The following NCOR2 variants were observed in gnomAD, a reference collection of about 807,000 sequenced individuals.
The protein encoded by NCOR2 is nuclear receptor corepressor 2.
In NCOR2, 81 loss-of-function variants were observed where a neutral mutation model predicts 262.9. The observed-to-expected ratio is 0.31, with a 90% CI of 0.26 to 0.37. The LOEUF is 0.37. Ranked by LOEUF, NCOR2 falls within the 10% of genes least tolerant of loss-of-function variation. The pLI is 1.00. For missense variants in NCOR2, 3,385 were observed against 3,621.4 expected (o/e 0.93, Z 1.68); for synonymous variants, 1,659 against 1,559.3 (o/e 1.06, Z -1.51).
At chr12:124,383,383 C>A in intron 17 of NCOR2, 1 of 285,838 alleles carries the variant, frequency 3.5e-6, no homozygotes, top group South Asian at 1.2e-4. Flanking sequence ...GCGCCCTCGT[C>A]AGTGGGATCT....
intron 41 of NCOR2, 174 bp downstream of exon 43, chr12:124,334,250 C>T (rs976726307): frequency 2.5e-5 from 13 of 527,950 alleles, no homozygotes; most frequent in Middle Eastern, 4.8e-4. Context: ...AGCTATTATT[C>T]GTTATGTATC....
At chr12:124,385,079 GC>G (rs1222859862) in intron 17 of NCOR2, among the ~76,000 whole-genome samples, 1 of 152,126 alleles carries the variant, frequency 6.6e-6, no homozygotes, top group Non-Finnish European at 1.5e-5. Context: ...GAGAGGGAAG[GC>G]AGCAGAGGTC....
upstream of NCOR2, among the ~76,000 whole-genome samples, chr12:124,496,637 A>C (rs951443612): frequency 3.3e-5 from 5 of 152,082 alleles, no homozygotes; most frequent in Non-Finnish European, 7.4e-5. The surrounding 1 kb of genome is among the most constrained non-coding windows in gnomAD (Gnocchi z 4.4). Context: ...TTGGAGGCCT[A>C]ATGTGGAGGG....
intron 19 of NCOR2, among the ~76,000 whole-genome samples, chr12:124,373,845 A>AGGGGACCCGGGCACGG (rs2039761402): frequency 2.4e-4 from 1 of 4,160 alleles, no homozygotes; most frequent in Admixed American, 4.3e-3. Flanking sequence ...GTGGACAATC[A>AGGGGACCCGGGCACGG]TGAGGCCAGT....
rs1234424892 is a variant in NCOR2, at chr12:124,531,900, C to T, written c.-118+3665G>A. 2.0e-5 allele frequency among the ~76,000 whole-genome samples: 3 copies of T among 151,562 alleles called. No homozygotes were observed. The East Asian group carries it at 5.9e-4, about 30-fold the overall frequency. ...ACCCACCTCCCCACCCCACTCCCAGCTGAAGAATCCACTCACAGAGTTTCG... is the reference window on the plus strand; with the variant it reads ...ACCCACCTCCCCACCCCACTCCCAGTTGAAGAATCCACTCACAGAGTTTCG... On this transcript the variant is annotated intron_variant, in intron 1 of 46. Coordinates refer to the NCOR2 transcript ENST00000404621. This position sits in a 1 kb window ranked among gnomAD's most constrained non-coding sequence, Gnocchi z 4.5.
rs1180213849 is a variant in NCOR2, at chr12:124,548,081, T to C, written c.-164-12470A>G. Among the ~76,000 whole-genome samples, 1 of 151,312 alleles carries C rather than the reference T, an allele frequency of 6.6e-6. No homozygotes were observed. The highest frequency in any genetic ancestry group is 1.5e-5 in the Non-Finnish European group (1 of 67,798). ...GCTGGTGGGAGAGAGGGGCCTGGGG[T>C]GCCCCAGGCCGGGCAGGTCCCCTCC... On this transcript the variant is annotated intron_variant, in intron 1 of 32. Coordinates refer to the NCOR2 transcript ENST00000458234. This position sits in a 1 kb window ranked among gnomAD's most constrained non-coding sequence, Gnocchi z 5.1.
chr12:124,370,195 G>A (rs1176011178), intron 20 of NCOR2, among the ~76,000 whole-genome samples: 1 of 152,192 alleles, frequency 6.6e-6, no homozygotes, highest in African/African-American at 2.4e-5. Context: ...GGGACTGTCG[G>A]GCAAGAAGCT....
chr12:124,325,415 G>C, exon 47 of NCOR2: 1 of 1,188,978 alleles, frequency 8.4e-7, no homozygotes, highest in East Asian at 3.4e-5. Flanking sequence ...CTCGCTGTCG[G>C]AGAGTGTCTC....
chr12:124,427,195 G>C (rs2043599620), intron 10 of NCOR2, among the ~76,000 whole-genome samples: 1 of 152,140 alleles, frequency 6.6e-6, no homozygotes, highest in African/African-American at 2.4e-5. Context: ...GGCAAGAGTG[G>C]GCCCTGGGGT....
At chr12:124,537,140 A>T (rs960075394), upstream of NCOR2, among the ~76,000 whole-genome samples, 6 of 152,240 alleles carry the variant, frequency 3.9e-5, no homozygotes, top group African/African-American at 1.4e-4. Flanking sequence ...AACAAAAAAA[A>T]TGTGATTCCC....
intron 1 of NCOR2, among the ~76,000 whole-genome samples, chr12:124,544,134 G>A (rs745838289): frequency 3.9e-5 from 6 of 152,200 alleles, no homozygotes; most frequent in Non-Finnish European, 5.9e-5. Flanking sequence ...AATGGAAAGG[G>A]TGCACTGGAG....
intron 13 of NCOR2, among the ~76,000 whole-genome samples, chr12:124,414,366 T>G (rs1437851261): frequency 5.9e-5 from 9 of 152,218 alleles, no homozygotes; most frequent in African/African-American, 2.2e-4. Flanking sequence ...TAGTGCTGCA[T>G]GACTGTTGGC....
intron 22 of NCOR2, among the ~76,000 whole-genome samples, chr12:124,357,787 C>T (rs1379289739): frequency 1.3e-5 from 2 of 152,216 alleles, no homozygotes; most frequent in Admixed American, 1.3e-4. Context: ...AGGAGGTAAC[C>T]TGTGATGTGT....
chr12:124,466,720 A>G (rs2136637390), intron 4 of NCOR2, among the ~76,000 whole-genome samples: 1 of 152,156 alleles, frequency 6.6e-6, no homozygotes, highest in African/African-American at 2.4e-5. Flanking sequence ...CATCAGTGCT[A>G]GGAGAGGCTG....
intron 1 of NCOR2, among the ~76,000 whole-genome samples, chr12:124,506,752 A>G (rs1015626135): frequency 6.6e-6 from 1 of 152,212 alleles, no homozygotes; most frequent in African/African-American, 2.4e-5. Flanking sequence ...TGCAGAGGGA[A>G]GTGAGGAGTC....
intron 5 of NCOR2, among the ~76,000 whole-genome samples, chr12:124,460,348 G>C (rs1167050606): frequency 4.6e-5 from 7 of 152,188 alleles, no homozygotes; most frequent in African/African-American, 1.7e-4. Flanking sequence ...CAGGCTGTCC[G>C]GTCCCAGCCC....
In NCOR2 at chr12:124,350,743, G is replaced by A. The variant is rs1413682034; in HGVS notation, c.3694-6C>T. 6.2e-7 allele frequency: 1 copy of A among 1,608,258 alleles called. No individual in the cohort carries two copies. The highest frequency in any genetic ancestry group is 1.3e-5 in the African/African-American group (1 of 74,932). On this transcript the variant is annotated splice_region_variant and splice_polypyrimidine_tract_variant and intron_variant, in intron 27 of 46. Transcript: ENST00000405201. ...AGGACGTCAGCTGGCGTGCCCTGCAGGTGCAGAGGGGTGAGCGCCCAGGAG... is the reference window on the plus strand; with the variant it reads ...AGGACGTCAGCTGGCGTGCCCTGCAAGTGCAGAGGGGTGAGCGCCCAGGAG...
At chr12:124,375,712 C>T (rs142627129) in intron 18 of NCOR2, among the ~76,000 whole-genome samples, 6 of 152,364 alleles carry the variant, frequency 3.9e-5, no homozygotes, top group East Asian at 1.9e-4. Flanking sequence ...TGGATAACCC[C>T]GCTATGCCTC....
intron 3 of NCOR2, among the ~76,000 whole-genome samples, chr12:124,477,260 A>C (rs2047153405): frequency 6.6e-6 from 1 of 152,208 alleles, no homozygotes. Context: ...GTGAGTTCTC[A>C]TGAGATCTGA....
Sources: gnomAD v4.1 joint callset for allele counts (sites outside exome capture counted in the v4.1 genomes callset) on GRCh38, gnomAD v4.1.1 for gene constraint, Gnocchi (gnomAD v3.1) non-coding constraint, MANE v1.5 for transcripts, NCBI Gene and HGNC (gene_info 2026-07-23, HGNC 2026-07-21) for gene names.